CEP63: variants seen among roughly 807,000 people sequenced by gnomAD.
CEP63 encodes the protein centrosomal protein of 63 kDa.
A neutral mutation model predicts 89.1 loss-of-function variants in CEP63; 84 were observed. That is an observed-to-expected ratio of 0.94 (90% confidence interval 0.79 to 1.13). CEP63 has a LOEUF of 1.13. Ranked by LOEUF, CEP63 falls within the 50% of genes most tolerant of loss-of-function variation. The probability of loss-of-function intolerance (pLI) is 0.00; values close to 1 mark genes in which losing one functional copy is unlikely to be tolerated. For synonymous variants in CEP63, 267 were observed against 272.5 expected, an observed-to-expected ratio of 0.98 and a Z score of 0.20; for missense variants, 838 against 813.3, an observed-to-expected ratio of 1.03 and a Z score of -0.37.
chr3:134,699,482 T>C, the CEP63 span, among the ~76,000 whole-genome samples: 1 of 152,212 alleles, frequency 6.6e-6, no homozygotes, highest in Non-Finnish European at 1.5e-5. Context: ...TTGCTCCTCC[T>C]CACAGTACAA....
chr3:134,506,244 G>A (rs1943422786), intron 2 of CEP63, among the ~76,000 whole-genome samples: 1 of 152,204 alleles, frequency 6.6e-6, no homozygotes, highest in Admixed American at 6.5e-5. Flanking sequence ...ACATCAGTAG[G>A]TTTACAATAG....
chr3:134,543,676 T>C (rs1335131025), intron 6 of CEP63, among the ~76,000 whole-genome samples: 1 of 152,194 alleles, frequency 6.6e-6, no homozygotes, highest in African/African-American at 2.4e-5. Context: ...AGTGCCCATT[T>C]TGGCAGTGGG....
At position 134,570,745 on chromosome 3, in the gene CEP63, C is replaced by T. The variant is rs561741261; in HGVS notation, c.1330-4048C>T. On this transcript the variant is annotated intron_variant, in intron 11 of 11. Coordinates refer to the CEP63 transcript ENST00000354446. ...TCAGCAACACCCCACTCTACTGGTA[C>T]CAATTTACTGTATTAGTCTGTTTTC... Among the ~76,000 whole-genome samples the T allele has an allele frequency of 3.9e-5, 6 of 152,302 alleles. No homozygotes were observed. In the South Asian group the frequency reaches 1.2e-3, roughly 32 times the overall value.
the CEP63 span, among the ~76,000 whole-genome samples, chr3:134,669,941 T>C: frequency 1.3e-5 from 2 of 152,116 alleles, no homozygotes; most frequent in African/African-American, 4.8e-5. Flanking sequence ...AGTGATTGGG[T>C]CATAAGGACA....
downstream of CEP63, among the ~76,000 whole-genome samples, chr3:134,579,064 C>T (rs1199888317): frequency 6.6e-6 from 1 of 152,228 alleles, no homozygotes; most frequent in Non-Finnish European, 1.5e-5. Context: ...GCCCCCACAC[C>T]ATTTCTTTAG....
At chr3:134,730,698 A>G in the CEP63 span, among the ~76,000 whole-genome samples, 1 of 152,006 alleles carries the variant, frequency 6.6e-6, no homozygotes, top group Non-Finnish European at 1.5e-5. Flanking sequence ...AAAATAGTAA[A>G]AGCAAGGTAA....
the CEP63 span, among the ~76,000 whole-genome samples, chr3:134,667,506 A>G: frequency 1.3e-5 from 2 of 152,216 alleles, no homozygotes; most frequent in African/African-American, 4.8e-5. Context: ...GTATGTGTGC[A>G]TGGGTGAAAG....
the CEP63 span, among the ~76,000 whole-genome samples, chr3:134,613,707 T>C: frequency 6.6e-6 from 1 of 152,250 alleles, no homozygotes; most frequent in Non-Finnish European, 1.5e-5. Flanking sequence ...GACTCTGATA[T>C]GAGGATATTT....
At chr3:134,653,736 C>T in the CEP63 span, among the ~76,000 whole-genome samples, 1 of 152,166 alleles carries the variant, frequency 6.6e-6, no homozygotes, top group African/African-American at 2.4e-5. Flanking sequence ...CTGCTCAAAT[C>T]CTCCCTCCAG....
chr3:134,515,282 G>A (rs1052252493), intron 3 of CEP63, among the ~76,000 whole-genome samples: 2 of 152,076 alleles, frequency 1.3e-5, no homozygotes, highest in Non-Finnish European at 2.9e-5. Context: ...AAGGAACAGA[G>A]CTTATTAAGT....
intron 2 of CEP63, 67 bp from the exon 3 acceptor site, chr3:134,507,042 C>A: frequency 2.7e-6 from 3 of 1,106,874 alleles, no homozygotes; most frequent in East Asian, 2.9e-5. Flanking sequence ...TATATTTTTA[C>A]ATGAAAAAGA....
the CEP63 span, among the ~76,000 whole-genome samples, chr3:134,743,081 T>TG: frequency 7.7e-4 from 117 of 152,274 alleles, no homozygotes; most frequent in African/African-American, 2.8e-3. Flanking sequence ...AGCTGCCTTG[T>TG]GGGGGTCCCT....
the CEP63 span, among the ~76,000 whole-genome samples, chr3:134,633,715 C>T: frequency 6.6e-6 from 1 of 152,112 alleles, no homozygotes; most frequent in African/African-American, 2.4e-5. Context: ...TATCCACTCT[C>T]ACTGATCCTA....
intron 11 of CEP63, among the ~76,000 whole-genome samples, chr3:134,570,415 C>A (rs1347705016): frequency 6.6e-6 from 1 of 152,184 alleles, no homozygotes; most frequent in Non-Finnish European, 1.5e-5. Flanking sequence ...TAAATCATCT[C>A]CCTCAAGTTC....
intron 6 of CEP63, among the ~76,000 whole-genome samples, chr3:134,540,764 A>AT (rs58341628): frequency 0.74 from 98,929 of 133,392 alleles, 36,727 homozygotes; most frequent in East Asian, 0.9. Context: ...TTGTTTTAGG[A>AT]TTTTTTTTTT....
At chr3:134,763,549 C>T in the CEP63 span, among the ~76,000 whole-genome samples, 1 of 152,122 alleles carries the variant, frequency 6.6e-6, no homozygotes, top group Non-Finnish European at 1.5e-5. Flanking sequence ...CCCCAGGCAA[C>T]CCTGCCCAGT....
the CEP63 span, among the ~76,000 whole-genome samples, chr3:134,778,920 C>T: frequency 6.6e-6 from 1 of 152,076 alleles, no homozygotes; most frequent in Non-Finnish European, 1.5e-5. Context: ...TTATGTGGCT[C>T]CATGGTTGTT....
the CEP63 span, among the ~76,000 whole-genome samples, chr3:134,654,444 AT>A: frequency 6.6e-6 from 1 of 152,168 alleles, no homozygotes; most frequent in South Asian, 2.1e-4. Flanking sequence ...TTGGCAGGGA[AT>A]TTTCTCCATT....
the CEP63 span, chr3:134,610,182 G>A: frequency 5.0e-6 from 8 of 1,608,882 alleles, no homozygotes; most frequent in Non-Finnish European, 6.8e-6. Flanking sequence ...GCAGAACTGA[G>A]ACAAGTACTT....
Sources: gnomAD v4.1 joint callset for allele counts (sites outside exome capture counted in the v4.1 genomes callset) on GRCh38, gnomAD v4.1.1 for gene constraint, MANE v1.5 for transcripts, NCBI Gene and HGNC (gene_info 2026-07-23, HGNC 2026-07-21) for gene names.